ARL5A: variants seen among roughly 807,000 people sequenced by gnomAD.
The protein encoded by ARL5A is ADP-ribosylation factor-like protein 5A.
A neutral mutation model predicts 25.9 loss-of-function variants in ARL5A; 18 were observed. That is an observed-to-expected ratio of 0.69 (90% confidence interval 0.48 to 1.03). The LOEUF (loss-of-function observed/expected upper bound fraction) is 1.03, where lower values mean the gene tolerates loss of function less well. Ranked by LOEUF, ARL5A falls within the 50% of genes least tolerant of loss-of-function variation. ARL5A has a pLI of 0.00. For synonymous variants in ARL5A, 61 were observed against 67.5 expected (o/e 0.90, Z 0.47); for missense variants, 170 against 211.9 (o/e 0.80, Z 1.23).
Position 151,803,311 on chromosome 2 carries a change from G to A in ARL5A, c.505C>T (p.Leu169Phe). Residue 169 changes from leucine to phenylalanine, a missense_variant, in exon 6 of 6, where the codon CTT (leucine) becomes TTT (phenylalanine). Transcript: ENST00000295087. Reference protein sequence around the residue: ...ALTGEGLCQGLEWMMSRLKIR With the variant: ...ALTGEGLCQGFEWMMSRLKIR ...TTAAGTCGTGACATCATCCATTCAA[G>A]TCCTTGGCACAATCTATAAAGAAAA... 1 of 1,612,582 alleles carries A rather than the reference G, an allele frequency of 6.2e-7. No individual in the cohort carries two copies. The highest frequency in any genetic ancestry group is 8.5e-7 in the Non-Finnish European group (1 of 1,178,724).
At chr2:151,818,465 T>A (rs551739530) in intron 1 of ARL5A, among the ~76,000 whole-genome samples, 1 of 152,124 alleles carries the variant, frequency 6.6e-6, no homozygotes, top group Non-Finnish European at 1.5e-5. Context: ...TTTGTAGAGA[T>A]GGGATGTCCC....
At chr2:151,809,042 T>G (rs886990363) in intron 4 of ARL5A, among the ~76,000 whole-genome samples, 5 of 152,188 alleles carry the variant, frequency 3.3e-5, no homozygotes, top group Non-Finnish European at 7.4e-5. Flanking sequence ...AGTGAAACTC[T>G]GTCTCAAAAA....
chr2:151,827,886 G>T, intron 1 of ARL5A: 1 of 526,866 alleles, frequency 1.9e-6, no homozygotes, highest in Non-Finnish European at 3.3e-6. Flanking sequence ...TCGGAGCAAT[G>T]GGTCTATTAC....
Position 151,828,219 on chromosome 2 carries a change from T to G in ARL5A, c.-43A>C, listed in dbSNP as rs1347248508. The G allele has an allele frequency of 5.7e-6, 9 of 1,589,176 alleles. No individual in the cohort carries two copies. The highest frequency in any genetic ancestry group is 6.9e-6 in the Non-Finnish European group (8 of 1,162,142). On this transcript the variant is annotated 5_prime_UTR_variant, in exon 1 of 6. Transcript: ENST00000295087. ...CCCCCCTCCAGACACCCGGGCCGCC[T>G]GGCTTCCCCCGGCTCAGGCTGAGGG...
intron 3 of ARL5A, among the ~76,000 whole-genome samples, chr2:151,812,974 C>G (rs890014168): frequency 1.3e-5 from 2 of 152,100 alleles, no homozygotes; most frequent in Non-Finnish European, 2.9e-5. Flanking sequence ...CAAGCACAAC[C>G]CCTTCATAAA....
intron 1 of ARL5A, 90 bp downstream of exon 1, chr2:151,828,041 C>A (rs2099833324): frequency 6.3e-6 from 9 of 1,428,646 alleles, no homozygotes; most frequent in Middle Eastern, 1.8e-4. Context: ...GACCGAGCCG[C>A]CCACATTCCG....
At chr2:151,816,795 C>T (rs1021300867) in intron 1 of ARL5A, among the ~76,000 whole-genome samples, 3 of 152,206 alleles carry the variant, frequency 2.0e-5, no homozygotes, top group African/African-American at 7.2e-5. Context: ...ACTCTCAAGA[C>T]ACTGGGCAGT....
At chr2:151,812,767 T>A (rs2099831010) in intron 3 of ARL5A, among the ~76,000 whole-genome samples, 1 of 152,082 alleles carries the variant, frequency 6.6e-6, no homozygotes, top group African/African-American at 2.4e-5. Flanking sequence ...AAACATGCAA[T>A]ATGATCCTGA....
intron 5 of ARL5A, among the ~76,000 whole-genome samples, chr2:151,803,664 C>T (rs2099829726): frequency 6.6e-6 from 1 of 152,182 alleles, no homozygotes; most frequent in African/African-American, 2.4e-5. Flanking sequence ...TGTGCCACCA[C>T]ACCCAGCTAA....
chr2:151,802,103 TACA>T lies in ARL5A; in HGVS notation c.*1170_*1172del, dbSNP rs1308168106. 1.3e-5 allele frequency: 2 copies of T among 152,098 alleles called. No individual in the cohort carries two copies. Among genetic ancestry groups the T allele is most frequent in the African/African-American group, 4.8e-5 (2 of 41,446 alleles). The allele number at this position is 152,098 out of a possible 1,614,324, so 9.4% of individuals were successfully genotyped here. The stretch of plus-strand genomic sequence containing the variant: ...GTCAATGCATTTATGTAATAGAAGA[TACA>T]ACAAAATTTAGAAATAAAAAATCTC... On this transcript the variant is annotated 3_prime_UTR_variant, in exon 6 of 6. Coordinates refer to ENST00000295087, the MANE Select transcript of ARL5A (RefSeq NM_012097.4).
chr2:151,827,295 G>A (rs1233027408), intron 1 of ARL5A, among the ~76,000 whole-genome samples: 1 of 152,196 alleles, frequency 6.6e-6, no homozygotes, highest in Non-Finnish European at 1.5e-5. Flanking sequence ...AAGCCTGATA[G>A]GTATTTCATG....
chr2:151,824,879 T>C (rs895979752), intron 1 of ARL5A, among the ~76,000 whole-genome samples: 19 of 152,222 alleles, frequency 1.2e-4, no homozygotes, highest in African/African-American at 3.1e-4. Flanking sequence ...CTTTTACCTA[T>C]AGTGCTTAAA....
intron 1 of ARL5A, among the ~76,000 whole-genome samples, chr2:151,820,683 A>C (rs1259518092): frequency 1.3e-5 from 2 of 150,896 alleles, no homozygotes; most frequent in African/African-American, 4.9e-5. Context: ...AAAAAAAAAA[A>C]AACAGAATCC....
intron 1 of ARL5A, among the ~76,000 whole-genome samples, chr2:151,822,865 C>T (rs969316995): frequency 6.6e-6 from 1 of 152,174 alleles, no homozygotes; most frequent in Non-Finnish European, 1.5e-5. Flanking sequence ...ATGAAAATTG[C>T]TTCTTGTTTC....
chr2:151,814,188 G>A lies in ARL5A; in HGVS notation c.236C>T (p.Thr79Ile), dbSNP rs2099831201. 1 of 1,599,878 alleles carries A rather than the reference G, an allele frequency of 6.3e-7. No homozygotes were observed. Among genetic ancestry groups the A allele is most frequent in the Admixed American group, 1.8e-5 (1 of 57,088 alleles). Residue 79 changes from threonine (T) to isoleucine (I), a missense_variant, in exon 3 of 6, where the codon ACT (threonine) becomes ATT (isoleucine). Thr to Ile is a moderately conservative substitution (Grantham distance 89, BLOSUM62 -1). Transcript: ENST00000295087. ...GQESLRSSWN[T>I]YYTNTEFVIV... ...CATTACCTCTGTGTTAGTATAGTAAGTGTTCCAGGAAGAACGAAGAGATTC... is the reference window on the plus strand; with the variant it reads ...CATTACCTCTGTGTTAGTATAGTAAATGTTCCAGGAAGAACGAAGAGATTC...
rs2099833360 is a variant in ARL5A at position 151,828,202 on chromosome 2, C to CA, written c.-27dup. 4 of 1,603,130 alleles carry CA rather than the reference C, an allele frequency of 2.5e-6. No homozygotes were observed. The highest frequency in any genetic ancestry group is 3.4e-6 in the Non-Finnish European group (4 of 1,174,496). The stretch of plus-strand genomic sequence containing the variant: ...TCTCGGGCAGCGGACCCCCCCCCTC[C>CA]AGACACCCGGGCCGCCTGGCTTCCC... On this transcript the variant is annotated 5_prime_UTR_variant, in exon 1 of 6. Transcript: ENST00000295087.
chr2:151,824,392 G>A (rs531845024), intron 1 of ARL5A, among the ~76,000 whole-genome samples: 25 of 152,108 alleles, frequency 1.6e-4, no homozygotes, highest in African/African-American at 6.0e-4. Context: ...CACAAATTGA[G>A]GAGCATCTGT....
At chr2:151,818,894 G>T (rs926339286) in intron 1 of ARL5A, among the ~76,000 whole-genome samples, 5 of 152,034 alleles carry the variant, frequency 3.3e-5, no homozygotes, top group Non-Finnish European at 7.4e-5. Flanking sequence ...CAAAATGTCA[G>T]CTTATTTTTA....
At chr2:151,823,724 A>C (rs1397215173) in intron 1 of ARL5A, among the ~76,000 whole-genome samples, 1 of 152,206 alleles carries the variant, frequency 6.6e-6, no homozygotes, top group Non-Finnish European at 1.5e-5. Flanking sequence ...GTGAGGTGCC[A>C]GTGGAACCTG....
Sources: gnomAD v4.1 joint callset for allele counts (sites outside exome capture counted in the v4.1 genomes callset) on GRCh38, gnomAD v4.1.1 for gene constraint, MANE v1.5 for transcripts, NCBI Gene and HGNC (gene_info 2026-07-23, HGNC 2026-07-21) for gene names.